GDPD5: variants seen among roughly 807,000 people sequenced by gnomAD.
The protein encoded by GDPD5 is glycerophosphodiester phosphodiesterase 2.
A neutral mutation model predicts 75.1 loss-of-function variants in GDPD5; 48 were observed. The observed-to-expected ratio is 0.64, with a 90% CI of 0.51 to 0.81. The LOEUF is 0.81. Among genes scored for constraint, GDPD5 ranks in the 40% least tolerant of loss-of-function variants. The pLI, the probability that GDPD5 is intolerant of heterozygous loss-of-function variation, is 0.00. For missense variants in GDPD5, 706 were observed against 822.6 expected (o/e 0.86, Z 1.73); for synonymous variants, 336 against 339.0 (o/e 0.99, Z 0.10).
At chr11:75,468,628 C>T (rs1301611897) in intron 3 of GDPD5, among the ~76,000 whole-genome samples, 1 of 152,140 alleles carries the variant, frequency 6.6e-6, no homozygotes, top group East Asian at 1.9e-4. Flanking sequence ...CCATGCACGG[C>T]ATCTGGTGAG....
At chr11:75,500,143 G>C (rs942947192) in intron 1 of GDPD5, among the ~76,000 whole-genome samples, 1 of 152,214 alleles carries the variant, frequency 6.6e-6, no homozygotes, top group African/African-American at 2.4e-5. Flanking sequence ...AGGACTAGGC[G>C]GGTGTCTACA....
chr11:75,500,079 G>A (rs908730858), intron 1 of GDPD5, among the ~76,000 whole-genome samples: 3 of 152,130 alleles, frequency 2.0e-5, no homozygotes, highest in African/African-American at 7.2e-5. Flanking sequence ...GCCCTCCACA[G>A]CCATTCCTCC....
chr11:75,489,710 T>TTG (rs1950076342), intron 2 of GDPD5, among the ~76,000 whole-genome samples: 2 of 152,122 alleles, frequency 1.3e-5, no homozygotes, highest in African/African-American at 4.8e-5. Flanking sequence ...ATCACAGGGT[T>TTG]TGTGAAGAGG....
chr11:75,453,404 G>A (rs1005189843), intron 6 of GDPD5, among the ~76,000 whole-genome samples: 9 of 152,052 alleles, frequency 5.9e-5, no homozygotes, highest in Admixed American at 3.3e-4. Flanking sequence ...GGATCACGAG[G>A]TCAGGAGATC....
At chr11:75,495,514 C>T (rs2135432795) in intron 1 of GDPD5, among the ~76,000 whole-genome samples, 1 of 152,024 alleles carries the variant, frequency 6.6e-6, no homozygotes, top group East Asian at 1.9e-4. Context: ...TATATCTGAA[C>T]ATCATCAGCT....
intron 1 of GDPD5, among the ~76,000 whole-genome samples, chr11:75,499,388 CTTT>C (rs1950264617): frequency 3.5e-5 from 1 of 28,460 alleles, no homozygotes; most frequent in African/African-American, 6.8e-5. Context: ...CTTTCTTCTT[CTTT>C]TCCTTTTTTT....
intron 1 of GDPD5, among the ~76,000 whole-genome samples, chr11:75,517,100 A>G (rs1274990600): frequency 6.6e-6 from 1 of 152,088 alleles, no homozygotes; most frequent in Non-Finnish European, 1.5e-5. Context: ...GTTTGGGGTA[A>G]ATGGAGGTTG....
At chr11:75,463,671 A>G (rs188849753) in intron 3 of GDPD5, among the ~76,000 whole-genome samples, 1 of 152,282 alleles carries the variant, frequency 6.6e-6, no homozygotes, top group Admixed American at 6.5e-5. Flanking sequence ...AAGAACCAAG[A>G]CTACATTTCC....
intron 2 of GDPD5, chr11:75,485,888 A>C (rs1241697244): frequency 6.6e-6 from 1 of 152,200 alleles, no homozygotes; most frequent in Non-Finnish European, 1.5e-5. Context: ...GACCTTTGGC[A>C]TTGTGCTAGG....
chr11:75,496,160 A>G (rs1189375720), intron 1 of GDPD5, among the ~76,000 whole-genome samples: 1 of 152,148 alleles, frequency 6.6e-6, no homozygotes, highest in Admixed American at 6.5e-5. Flanking sequence ...CTGGAAAGGG[A>G]GCCGGCTAGG....
At chr11:75,446,945 G>A (rs893614206) in intron 9 of GDPD5, among the ~76,000 whole-genome samples, 6 of 152,048 alleles carry the variant, frequency 3.9e-5, no homozygotes, top group Non-Finnish European at 5.9e-5. Flanking sequence ...GTGCAATGGC[G>A]CAATCTCGGC....
intron 9 of GDPD5, 51 bp downstream of exon 9, chr11:75,448,926 C>A (rs746885830): frequency 2.0e-6 from 3 of 1,516,154 alleles, no homozygotes; most frequent in South Asian, 2.7e-5. Flanking sequence ...AAGGTCCCCC[C>A]CATCGCACCC....
chr11:75,501,508 C>T (rs1455465579), intron 1 of GDPD5, among the ~76,000 whole-genome samples: 2 of 152,228 alleles, frequency 1.3e-5, no homozygotes, highest in Non-Finnish European at 2.9e-5. Flanking sequence ...GAAACAGGGA[C>T]TCGGGCCATG....
chr11:75,497,015 T>C (rs1950223970), intron 1 of GDPD5, among the ~76,000 whole-genome samples: 1 of 152,044 alleles, frequency 6.6e-6, no homozygotes, highest in Non-Finnish European at 1.5e-5. Context: ...ACTCCTGAGC[T>C]TAAGTGATCT....
chr11:75,484,771 C>T (rs531907020), intron 2 of GDPD5, among the ~76,000 whole-genome samples: 50 of 152,264 alleles, frequency 3.3e-4, no homozygotes, highest in African/African-American at 7.5e-4. Flanking sequence ...AACATATGTA[C>T]GGTGTGAGTA....
At chr11:75,439,734 G>T in intron 15 of GDPD5, 145 bp downstream of exon 15, 1 of 685,320 alleles carries the variant, frequency 1.5e-6, no homozygotes, top group Non-Finnish European at 2.6e-6. Flanking sequence ...AGGGAGGATG[G>T]GGCCACCGGA....
chr11:75,518,482 T>TG (rs1366797068), intron 1 of GDPD5, among the ~76,000 whole-genome samples: 1 of 152,222 alleles, frequency 6.6e-6, no homozygotes, highest in Non-Finnish European at 1.5e-5. Flanking sequence ...TACTGATGCC[T>TG]GGGTCATGCC....
At chr11:75,458,286 T>G (rs1012932381) in intron 4 of GDPD5, among the ~76,000 whole-genome samples, 1 of 152,244 alleles carries the variant, frequency 6.6e-6, no homozygotes, top group Non-Finnish European at 1.5e-5. Flanking sequence ...ACTTCAATGT[T>G]AAGATGTGAA....
chr11:75,491,253 C>G (rs145264401), intron 1 of GDPD5, among the ~76,000 whole-genome samples: 1 of 152,214 alleles, frequency 6.6e-6, no homozygotes, highest in African/African-American at 2.4e-5. Context: ...CAGGCCTGCC[C>G]TTCTGCACCT....
Sources: allele counts gnomAD v4.1 joint callset (sites outside exome capture counted in the v4.1 genomes callset), GRCh38; gene constraint gnomAD v4.1.1; transcripts MANE v1.5; gene names NCBI Gene and HGNC (gene_info 2026-07-23, HGNC 2026-07-21).